PUS10: variants seen among roughly 807,000 people sequenced by gnomAD.
The protein encoded by PUS10 is pseudouridine synthase 10.
PUS10 carries 59 observed loss-of-function variants against 75.0 expected under a neutral mutation model. The ratio of observed to expected loss-of-function variants is 0.79; its 90% CI spans 0.64 to 0.98. PUS10 has a LOEUF of 0.98. Ranked by LOEUF, PUS10 falls within the 50% of genes least tolerant of loss-of-function variation. The pLI, the probability that PUS10 is intolerant of heterozygous loss-of-function variation, is 0.00. For missense variants in PUS10, 650 were observed against 614.4 expected (o/e 1.06, Z -0.61); for synonymous variants, 219 against 211.6 (o/e 1.03, Z -0.30).
intron 14 of PUS10, among the ~76,000 whole-genome samples, chr2:60,953,487 A>T (rs1675469087): frequency 6.6e-6 from 1 of 152,192 alleles, no homozygotes; most frequent in Non-Finnish European, 1.5e-5. Context: ...TAATGTTTTC[A>T]AGGCTCACCC....
intron 4 of PUS10, among the ~76,000 whole-genome samples, chr2:60,976,302 G>A (rs929649442): frequency 9.2e-5 from 14 of 152,264 alleles, no homozygotes; most frequent in Admixed American, 2.6e-4. Flanking sequence ...ATCTCATTCC[G>A]TCATATTTCC....
intron 11 of PUS10, among the ~76,000 whole-genome samples, chr2:60,956,974 C>CA (rs56804354): frequency 0.016 from 314 of 19,152 alleles, 31 homozygotes; most frequent in East Asian, 0.037. Context: ...GACTCCATCT[C>CA]AAAAAAAAAA....
rs1462538552 is a variant in PUS10, at chr2:60,940,927, C to T, written c.*1468G>A. On this transcript the variant is annotated 3_prime_UTR_variant, in exon 18 of 18. Coordinates refer to ENST00000316752, the MANE Select transcript of PUS10 (RefSeq NM_144709.4). ...CACATGGTTTCAACGTGGTATGAAA[C>T]TATGTTGGTTCCAACGTGGCTGACT... 1 of 152,270 alleles carries T rather than the reference C, an allele frequency of 6.6e-6. No individual in the cohort carries two copies. The highest frequency in any genetic ancestry group is 6.5e-5 in the Admixed American group (1 of 15,276). 9.4% of individuals were successfully genotyped at this position (152,270 alleles called of 1,614,324 possible).
intron 1 of PUS10, among the ~76,000 whole-genome samples, chr2:61,016,688 C>T (rs939243014): frequency 6.6e-6 from 1 of 152,180 alleles, no homozygotes; most frequent in African/African-American, 2.4e-5. Context: ...CTCTGGCTTA[C>T]TGGAGGAGAG....
chr2:61,012,923 C>T (rs1435184003), intron 1 of PUS10, among the ~76,000 whole-genome samples: 1 of 136,258 alleles, frequency 7.3e-6, no homozygotes, highest in Middle Eastern at 4.0e-3. Context: ...TCAAATTTTC[C>T]CTCCACCTTT....
At chr2:60,965,602 C>T (rs1676291191) in intron 6 of PUS10, 118 bp from the exon 7 acceptor site, 2 of 692,114 alleles carry the variant, frequency 2.9e-6, no homozygotes, top group Non-Finnish European at 4.9e-6. Context: ...ACCAGAAAAA[C>T]TGGAAATACT....
At chr2:61,014,099 C>T (rs1269612728) in intron 1 of PUS10, among the ~76,000 whole-genome samples, 6 of 147,580 alleles carry the variant, frequency 4.1e-5, no homozygotes, top group Admixed American at 2.7e-4. Flanking sequence ...AAAGGTCAGG[C>T]GCAGTGGCTC....
intron 4 of PUS10, among the ~76,000 whole-genome samples, chr2:60,974,573 G>A (rs1373834166): frequency 6.6e-6 from 1 of 152,208 alleles, no homozygotes; most frequent in Non-Finnish European, 1.5e-5. Flanking sequence ...CTGTGGCCGG[G>A]AACCCAGACC....
chr2:61,010,608 A>G (rs1573525134), intron 2 of PUS10: 3 of 617,678 alleles, frequency 4.9e-6, no homozygotes, highest in South Asian at 4.3e-5. Flanking sequence ...TACAGGCGTG[A>G]GCCACCGCAC....
chr2:60,974,681 C>CTGTGGAAGCTGTT (rs1676919526), intron 4 of PUS10, among the ~76,000 whole-genome samples: 1 of 152,338 alleles, frequency 6.6e-6, no homozygotes. Context: ...CCGGGGTCAG[C>CTGTGGAAGCTGTT]TGTGGAAGCT....
At chr2:60,957,522 G>A (rs562428927) in intron 11 of PUS10, among the ~76,000 whole-genome samples, 1 of 152,356 alleles carries the variant, frequency 6.6e-6, no homozygotes, top group Non-Finnish European at 1.5e-5. Flanking sequence ...ACACGGTGCT[G>A]TACCTTTATC....
intron 5 of PUS10, among the ~76,000 whole-genome samples, chr2:60,971,189 A>AAT (rs1553408317): frequency 1.3e-5 from 2 of 151,422 alleles, no homozygotes; most frequent in Non-Finnish European, 2.9e-5. Context: ...CAAAAAAAAA[A>AAT]AATAATAATA....
intron 4 of PUS10, among the ~76,000 whole-genome samples, chr2:60,973,206 G>A (rs960151313): frequency 6.6e-6 from 1 of 152,236 alleles, no homozygotes; most frequent in Non-Finnish European, 1.5e-5. Flanking sequence ...GGGACTCGTG[G>A]GGCCAGCCCT....
intron 16 of PUS10, among the ~76,000 whole-genome samples, chr2:60,947,828 CAAAAAA>C (rs890632119): frequency 2.2e-5 from 1 of 46,054 alleles, no homozygotes; most frequent in African/African-American, 8.0e-5. Flanking sequence ...GACTCTGCCT[CAAAAAA>C]AAAAAAAAAA....
chr2:60,942,563 T>C (rs2104051218), intron 17 of PUS10, 130 bp from the exon 18 acceptor site: 4 of 706,678 alleles, frequency 5.7e-6, no homozygotes, highest in South Asian at 1.8e-5. Context: ...AAAAGAGCTA[T>C]TGAATACCAT....
chr2:60,963,302 C>T (rs1408979292), intron 8 of PUS10, among the ~76,000 whole-genome samples: 4 of 152,176 alleles, frequency 2.6e-5, no homozygotes, highest in African/African-American at 9.7e-5. Context: ...TTCCTACATC[C>T]CTTCAGAGGC....
chr2:60,951,022 T>A lies in PUS10; in HGVS notation c.1308+1975A>T, dbSNP rs1354905312. On this transcript the variant is annotated intron_variant, in intron 15 of 17. Coordinates refer to ENST00000316752, the MANE Select transcript of PUS10 (RefSeq NM_144709.4). ...TATTAGTCTAAGGGGAATAAAGTGA[T>A]GTCTTAGTGTTACGTCAACCTTTTC... Among the ~76,000 whole-genome samples the A allele has an allele frequency of 2.0e-5, 3 of 152,244 alleles. No individual in the cohort carries two copies. In the East Asian group the frequency reaches 5.8e-4, roughly 29 times the overall value.
rs370924422 is a variant in PUS10, at chr2:60,953,993, A to G, written c.1135-5T>C. ...GTTAGATGAGTTATTAATTTTCTGT[A>G]GTAGCAGAAAAAGAAAAACAATTAG... On this transcript the variant is annotated splice_region_variant and splice_polypyrimidine_tract_variant and intron_variant, in intron 13 of 17. Transcript: ENST00000316752. 6 of 1,612,298 alleles carry G rather than the reference A, an allele frequency of 3.7e-6. No homozygotes were observed. Among genetic ancestry groups the G allele is most frequent in the Non-Finnish European group, 5.1e-6 (6 of 1,178,394 alleles).
rs1359954737 is a variant in PUS10 at position 60,965,464 on chromosome 2, C to A, written c.636G>T (p.Val212=). The A allele has an allele frequency of 6.2e-7, 1 of 1,608,824 alleles. No individual in the cohort carries two copies. The highest frequency in any genetic ancestry group is 1.3e-5 in the African/African-American group (1 of 74,530). ...CAACTGTTTCTGGGTGAGCAAAGAC[C>A]ACACTCACTTCAAACAAGCTCTAAA... ...IDGKSLFEVS[V]VFAHPETVED... The change falls in exon 7 of 18, where the codon GTG becomes GTT. Residue 212 remains valine, a synonymous_variant. Coordinates refer to ENST00000316752, the MANE Select transcript of PUS10 (RefSeq NM_144709.4).
Sources: gnomAD v4.1 joint callset for allele counts (sites outside exome capture counted in the v4.1 genomes callset) on GRCh38, gnomAD v4.1.1 for gene constraint, MANE v1.5 for transcripts, NCBI Gene and HGNC (gene_info 2026-07-23, HGNC 2026-07-21) for gene names.